The following WNT16 variants were observed in gnomAD, a reference collection of about 807,000 sequenced individuals.
The protein encoded by WNT16 is protein Wnt-16.
Under a neutral mutation model 35.4 loss-of-function variants are expected in WNT16, and 20 were observed. The observed-to-expected ratio is 0.56, with a 90% CI of 0.40 to 0.82. The LOEUF (loss-of-function observed/expected upper bound fraction) is 0.82. Ranked by LOEUF, WNT16 falls within the 40% of genes least tolerant of loss-of-function variation. The pLI is 0.00. For missense variants in WNT16, 461 were observed against 466.0 expected, an observed-to-expected ratio of 0.99 and a Z score of 0.10; for synonymous variants, 180 against 179.2, an observed-to-expected ratio of 1.00 and a Z score of -0.03.
intron 1 of WNT16, 50 bp downstream of exon 1, chr7:121,329,437 C>T (rs757804192): frequency 1.9e-6 from 3 of 1,595,628 alleles, no homozygotes; most frequent in Non-Finnish European, 2.6e-6. Context: ...AAAAGGGGTG[C>T]CCAATCCTAG....
At chr7:121,327,649 C>T (rs916432360), upstream of WNT16, among the ~76,000 whole-genome samples, 1 of 152,086 alleles carries the variant, frequency 6.6e-6, no homozygotes, top group Admixed American at 6.5e-5. Flanking sequence ...TGCACCTGGC[C>T]CCAAATCCTT....
upstream of WNT16, among the ~76,000 whole-genome samples, chr7:121,327,671 T>C (rs565582355): frequency 6.6e-6 from 1 of 152,230 alleles, no homozygotes; most frequent in African/African-American, 2.4e-5. Flanking sequence ...ATTTAAGTAA[T>C]TTTGGCTTTG....
At position 121,329,816 on chromosome 7, in the gene WNT16, C is replaced by T; in HGVS notation, c.345C>T (p.Ser115=). ...CCCTCTTTGGCTACGAGCTGAGCAG[C>T]GGTGAGTCCTGGGTCCTTAGGGGTT... is the stretch of plus-strand genomic sequence containing the variant. ...ASPLFGYELS[S]GTKETAFIYA... Residue 115 remains serine (S), a splice_region_variant and synonymous_variant, in exon 2 of 4, where the codon AGC becomes AGT. Coordinates refer to ENST00000222462, the MANE Select transcript of WNT16 (RefSeq NM_057168.2). The T allele has an allele frequency of 6.2e-7, 1 of 1,601,528 alleles. No individual in the cohort carries two copies. Among genetic ancestry groups the T allele is most frequent in the Non-Finnish European group, 8.5e-7 (1 of 1,179,928 alleles).
At chr7:121,325,694 C>A (rs1304944406), upstream of WNT16, among the ~76,000 whole-genome samples, 3 of 151,922 alleles carry the variant, frequency 2.0e-5, no homozygotes, top group Non-Finnish European at 2.9e-5. Context: ...TCTATACACA[C>A]ACACTATATA....
At chr7:121,330,722 A>G (rs1190528667) in intron 2 of WNT16, among the ~76,000 whole-genome samples, 3 of 126,986 alleles carry the variant, frequency 2.4e-5, no homozygotes, top group South Asian at 6.4e-4. Context: ...GAGAAAAAAA[A>G]AAAAAAAAAA....
Position 121,339,860 on chromosome 7 carries a change from A to G in WNT16, c.*515A>G, listed in dbSNP as rs534651710. ...TTTGTGTGTGGATAGAAGATGTTGA[A>G]AAGTTAACATAAGCATTGGGTGCTG... On this transcript the variant is annotated 3_prime_UTR_variant, in exon 4 of 4. Coordinates refer to ENST00000222462, the MANE Select transcript of WNT16 (RefSeq NM_057168.2). The G allele has an allele frequency of 6.8e-4, 115 of 169,588 alleles. No homozygotes were observed. The highest frequency in any genetic ancestry group is 2.6e-3 in the African/African-American group (111 of 42,254). 10.5% of individuals were successfully genotyped at this position (169,588 alleles called of 1,614,324 possible). A position where few individuals can be genotyped will look rare whatever the true frequency, so the allele number is the denominator to read the frequency against.
intron 2 of WNT16, among the ~76,000 whole-genome samples, chr7:121,330,914 G>T (rs534139495): frequency 6.6e-6 from 1 of 151,260 alleles, no homozygotes; most frequent in South Asian, 2.1e-4. Flanking sequence ...ATGTTTTAAT[G>T]GACTTTAATT....
At chr7:121,330,427 C>A (rs1584676193) in intron 2 of WNT16, among the ~76,000 whole-genome samples, 1 of 152,244 alleles carries the variant, frequency 6.6e-6, no homozygotes, top group East Asian at 1.9e-4. Context: ...ACTCCCGCGG[C>A]GCGGGAAGCT....
Position 121,329,082 on chromosome 7 carries a change from A to C in WNT16, c.-211A>C, listed in dbSNP as rs1793291169. ...CACCCCTGCGCAGGAGGAGATCCCC[A>C]GGCTGCTCTCTCCATCTCTCCTACA... On this transcript the variant is annotated 5_prime_UTR_variant, in exon 1 of 4. Coordinates refer to ENST00000222462, the MANE Select transcript of WNT16 (RefSeq NM_057168.2). 1 of 1,304,180 alleles carries C rather than the reference A, an allele frequency of 7.7e-7. No homozygotes were observed. Among genetic ancestry groups the C allele is most frequent in the South Asian group, 2.8e-5 (1 of 35,810 alleles). 80.8% of individuals were successfully genotyped at this position (1,304,180 alleles called of 1,614,324 possible). A position where few individuals can be genotyped will look rare whatever the true frequency, so the allele number is the denominator to read the frequency against.
At position 121,331,926 on chromosome 7, in the gene WNT16, T is replaced by C; in HGVS notation, c.595T>C (p.Leu199=). ...CACGGGCAAAGAAAACAAAGTACTATTAGCAATGAACCTACATAACAATGA... is the reference window on the plus strand; with the variant it reads ...CACGGGCAAAGAAAACAAAGTACTACTAGCAATGAACCTACATAACAATGA... ...NTTGKENKVL[L]AMNLHNNEAG... Residue 199 remains leucine, a synonymous_variant, in exon 3 of 4, where the codon TTA becomes CTA. Transcript: ENST00000222462. The C allele has an allele frequency of 1.2e-6, 2 of 1,614,132 alleles. No individual in the cohort carries two copies. Among genetic ancestry groups the C allele is most frequent in the Non-Finnish European group, 1.7e-6 (2 of 1,180,034 alleles).
chr7:121,325,410 G>GTACC (rs1554366753), upstream of WNT16: 10,458 of 1,612,098 alleles, frequency 6.5e-3, 87 homozygotes, highest in Middle Eastern at 0.022. Context: ...AGATGGAAAG[G>GTACC]CACCCATGCA....
At chr7:121,330,095 A>T (rs1323138090) in intron 2 of WNT16, among the ~76,000 whole-genome samples, 2 of 152,058 alleles carry the variant, frequency 1.3e-5, no homozygotes, top group Admixed American at 6.5e-5. Flanking sequence ...AAAAACTCTA[A>T]TTCTCCTACC....
intron 2 of WNT16, among the ~76,000 whole-genome samples, chr7:121,330,433 A>C (rs977515963): frequency 8.5e-5 from 13 of 152,218 alleles, no homozygotes; most frequent in African/African-American, 3.1e-4. Flanking sequence ...GCGGCGCGGG[A>C]AGCTGCAGGA....
chr7:121,328,489 C>G (rs952028480), upstream of WNT16, among the ~76,000 whole-genome samples: 1 of 152,162 alleles, frequency 6.6e-6, no homozygotes, highest in Non-Finnish European at 1.5e-5. Flanking sequence ...GTAAGCCTGA[C>G]AGCACTTCAC....
chr7:121,335,725 C>A (rs551194020), intron 3 of WNT16, among the ~76,000 whole-genome samples: 1 of 152,126 alleles, frequency 6.6e-6, no homozygotes, highest in African/African-American at 2.4e-5. Context: ...AATATACTTG[C>A]ATTTTCCACT....
intron 3 of WNT16, among the ~76,000 whole-genome samples, chr7:121,336,679 T>C (rs1351041701): frequency 6.6e-6 from 1 of 152,184 alleles, no homozygotes; most frequent in East Asian, 1.9e-4. Flanking sequence ...TACTCCCTCT[T>C]GATTCAGTTT....
intron 3 of WNT16, 150 bp from the exon 4 acceptor site, chr7:121,338,731 G>C: frequency 1.3e-6 from 1 of 744,112 alleles, no homozygotes; most frequent in Non-Finnish European, 2.1e-6. Context: ...TGAAGCCTAC[G>C]CAATTTTAAA....
chr7:121,337,456 A>G (rs1793461709), intron 3 of WNT16, among the ~76,000 whole-genome samples: 2 of 152,246 alleles, frequency 1.3e-5, no homozygotes, highest in African/African-American at 2.4e-5. Context: ...TATTGTTTTC[A>G]TAAGAATTGT....
At chr7:121,328,994 T>G (rs897195809), upstream of WNT16, 19 of 1,131,506 alleles carry the variant, frequency 1.7e-5, 1 homozygote, top group African/African-American at 2.3e-4. Flanking sequence ...GAGACGCGGA[T>G]ACATCAACAG....
Sources: gnomAD v4.1 joint callset for allele counts (sites outside exome capture counted in the v4.1 genomes callset) on GRCh38, gnomAD v4.1.1 for gene constraint, MANE v1.5 for transcripts, NCBI Gene and HGNC (gene_info 2026-07-23, HGNC 2026-07-21) for gene names.